The following HTR2C variants were observed in gnomAD, a reference collection of about 807,000 sequenced individuals.
The protein encoded by HTR2C is 5-hydroxytryptamine receptor 2C, also known as 5-hydroxytryptamine (serotonin) receptor 2C, G protein-coupled.
A neutral mutation model predicts 21.0 loss-of-function variants in HTR2C; 5 were observed. That is an observed-to-expected ratio of 0.24 (90% CI 0.12 to 0.50). The LOEUF (loss-of-function observed/expected upper bound fraction) is 0.50, where lower values mean the gene tolerates loss of function less well. Ranked by LOEUF, HTR2C falls within the 20% of genes least tolerant of loss-of-function variation. The pLI, the probability that HTR2C is intolerant of heterozygous loss-of-function variation, is 0.98. For synonymous variants in HTR2C, 150 were observed against 145.3 expected (o/e 1.03, Z -0.23); for missense variants, 271 against 371.2 (o/e 0.73, Z 2.22).
chrX:114,701,648 G>A (rs1234153235), intron 2 of HTR2C, among the ~76,000 whole-genome samples: 4 of 112,107 alleles, frequency 3.6e-5, no homozygotes, highest in Non-Finnish European at 7.5e-5. Context: ...CTAAAAAGCA[G>A]AGCACCTCTC....
intron 5 of HTR2C, among the ~76,000 whole-genome samples, chrX:114,866,838 C>A (rs1436133604): frequency 8.9e-6 from 1 of 111,778 alleles, no homozygotes; most frequent in Non-Finnish European, 1.9e-5. Context: ...AGATCTCATT[C>A]TTTTTTTGTG....
chrX:114,675,624 T>C (rs1931526113), intron 2 of HTR2C, among the ~76,000 whole-genome samples: 1 of 111,896 alleles, frequency 8.9e-6, no homozygotes, highest in South Asian at 3.7e-4. Flanking sequence ...ACCTTTGGCA[T>C]TTACATTACT....
At chrX:114,761,948 C>T (rs961098504) in intron 4 of HTR2C, among the ~76,000 whole-genome samples, 2 of 104,843 alleles carry the variant, frequency 1.9e-5, no homozygotes, top group African/African-American at 3.7e-5. Flanking sequence ...TGTATATATA[C>T]GTGTATATAT....
At chrX:114,877,298 CTTTCA>C (rs2071146417) in intron 5 of HTR2C, among the ~76,000 whole-genome samples, 1 of 110,875 alleles carries the variant, frequency 9.0e-6, no homozygotes, top group Non-Finnish European at 1.9e-5. Flanking sequence ...AATGTCTGCT[CTTTCA>C]TTTATAATTT....
intron 4 of HTR2C, among the ~76,000 whole-genome samples, chrX:114,801,412 C>T (rs183302120): frequency 0.013 from 1,405 of 111,188 alleles, 19 homozygotes; most frequent in African/African-American, 0.043. Context: ...GAGTAATTTT[C>T]GTGCATGACT....
At chrX:114,834,769 G>C (rs1296773846) in intron 4 of HTR2C, among the ~76,000 whole-genome samples, 9 of 107,053 alleles carry the variant, frequency 8.4e-5, no homozygotes, top group African/African-American at 3.1e-4. Context: ...TGGGTATTTT[G>C]CTCGTTAGTT....
intron 2 of HTR2C, among the ~76,000 whole-genome samples, chrX:114,641,039 T>TC (rs1369453134): frequency 2.9e-3 from 294 of 102,125 alleles, no homozygotes; most frequent in African/African-American, 0.01. Flanking sequence ...TTCCTTTCTT[T>TC]CTTTCTTTCT....
At chrX:114,731,166 T>C in intron 3 of HTR2C, 128 bp from the exon 4 acceptor site, 1 of 465,943 alleles carries the variant, frequency 2.1e-6, no homozygotes. Flanking sequence ...ATAATGATGA[T>C]GACAATGATG....
At chrX:114,783,866 A>C (rs782012207) in intron 4 of HTR2C, among the ~76,000 whole-genome samples, 1 of 111,690 alleles carries the variant, frequency 9.0e-6, no homozygotes, top group African/African-American at 3.2e-5. Flanking sequence ...AAAATTAGAA[A>C]AATTTAAAAA....
intron 4 of HTR2C, among the ~76,000 whole-genome samples, chrX:114,768,536 C>A (rs920449509): frequency 9.0e-6 from 1 of 110,657 alleles, no homozygotes; most frequent in African/African-American, 3.3e-5. Flanking sequence ...TATAACATAA[C>A]ATAAATATAT....
At chrX:114,708,037 A>G (rs1932826889) in intron 2 of HTR2C, among the ~76,000 whole-genome samples, 1 of 111,581 alleles carries the variant, frequency 9.0e-6, no homozygotes, top group Admixed American at 9.6e-5. Context: ...ATTTTTGCTG[A>G]GAGTTGTTTT....
intron 2 of HTR2C, among the ~76,000 whole-genome samples, chrX:114,668,714 C>T (rs1931262688): frequency 9.0e-6 from 1 of 110,689 alleles, no homozygotes; most frequent in Admixed American, 9.7e-5. Flanking sequence ...TGTAATATTT[C>T]ATAAACATGC....
chrX:114,798,190 G>T (rs782413580), intron 4 of HTR2C, among the ~76,000 whole-genome samples: 1 of 110,879 alleles, frequency 9.0e-6, no homozygotes, highest in Non-Finnish European at 1.9e-5. Context: ...AATTCAAAGC[G>T]CTCTGTTCCT....
intron 4 of HTR2C, among the ~76,000 whole-genome samples, chrX:114,772,813 T>G (rs1375688367): frequency 2.7e-5 from 3 of 111,635 alleles, no homozygotes; most frequent in Admixed American, 9.5e-5. Flanking sequence ...TGGATTTACT[T>G]TGGGATGCCA....
intron 5 of HTR2C, among the ~76,000 whole-genome samples, chrX:114,859,194 C>T (rs1556472138): frequency 1.8e-5 from 2 of 110,573 alleles, no homozygotes; most frequent in African/African-American, 6.6e-5. Flanking sequence ...GAAGCTGTCC[C>T]TTTTGACCTA....
chrX:114,646,519 C>T (rs933536684), intron 2 of HTR2C, among the ~76,000 whole-genome samples: 6 of 112,240 alleles, frequency 5.3e-5, no homozygotes, highest in African/African-American at 1.9e-4. Context: ...TTTCACTCTG[C>T]TTTTAATTGC....
At chrX:114,854,768 C>T (rs893682871) in intron 5 of HTR2C, among the ~76,000 whole-genome samples, 21 of 110,938 alleles carry the variant, frequency 1.9e-4, no homozygotes, top group Admixed American at 9.7e-5. Flanking sequence ...ATAAATAATC[C>T]ACAGAGTGAA....
intron 2 of HTR2C, among the ~76,000 whole-genome samples, chrX:114,648,686 C>A (rs782111178): frequency 2.7e-5 from 3 of 111,780 alleles, no homozygotes; most frequent in African/African-American, 9.8e-5. Context: ...CATGATTGTG[C>A]CACTGCGCTC....
intron 2 of HTR2C, among the ~76,000 whole-genome samples, chrX:114,669,402 T>C (rs1931288437): frequency 8.9e-6 from 1 of 112,155 alleles, no homozygotes; most frequent in Non-Finnish European, 1.9e-5. Context: ...TTTTGATTTA[T>C]ATAACAGTAC....
Sources: allele counts gnomAD v4.1 joint callset (sites outside exome capture counted in the v4.1 genomes callset), GRCh38; gene constraint gnomAD v4.1.1; transcripts MANE v1.5; gene names NCBI Gene and HGNC (gene_info 2026-07-23, HGNC 2026-07-21).